Variants in JPH4 observed in about 807,000 individuals in gnomAD.
The protein encoded by JPH4 is junctophilin 4.
JPH4 carries 18 observed loss-of-function variants against 57.6 expected under a neutral mutation model. The ratio of observed to expected loss-of-function variants is 0.31; its 90% CI spans 0.22 to 0.46. The LOEUF (loss-of-function observed/expected upper bound fraction) is 0.46. JPH4 is among the 20% of genes least tolerant of loss of function. JPH4 has a pLI of 1.00. For synonymous variants in JPH4, 425 were observed against 406.6 expected (o/e 1.05, Z -0.54); for missense variants, 727 against 911.1 (o/e 0.80, Z 2.60).
chr14:23,577,204 G>A lies in JPH4; in HGVS notation c.250C>T (p.Arg84Cys). 1.3e-6 allele frequency: 2 copies of A among 1,537,106 alleles called. No homozygotes were observed. The highest frequency in any genetic ancestry group is 1.7e-6 in the Non-Finnish European group (2 of 1,146,310). ...TTCAGCCCGCCCAGCCACTCGCCGC[G>A]GTACGTCCAGCGGCTCTTGCGCTCC... ...GVERKSRWTY[R>C]GEWLGGLKGR... is the part of the protein sequence containing the mutation. Residue 84 changes from arginine (R) to cysteine (C), a missense_variant, in exon 2 of 6, where the codon CGC becomes TGC. Transcript: ENST00000356300. This position sits in a 1 kb window ranked among gnomAD's most constrained non-coding sequence, Gnocchi z 8.4.
In JPH4 at chr14:23,576,693, G is replaced by T. The variant is rs545674547; in HGVS notation, c.380-237C>A. On this transcript the variant is annotated intron_variant, in intron 2 of 5. Coordinates refer to ENST00000356300, the MANE Select transcript of JPH4 (RefSeq NM_001146028.2). The surrounding 1 kb of genome is among the most constrained non-coding windows in gnomAD (Gnocchi z 8.0). ...AGCCCTACGTGGATTTTGGCAGTGC[G>T]GGTAAACAGGGGAAACGGGGAGGGC... Among the ~76,000 whole-genome samples, 374 of 152,262 alleles carry T rather than the reference G, an allele frequency of 2.5e-3. 2 individuals are homozygous for T. Among genetic ancestry groups the T allele is most frequent in the African/African-American group, 8.7e-3 (362 of 41,558 alleles).
chr14:23,571,263 AGAAGGGAC>A lies in JPH4; in HGVS notation c.1460_1467del (p.Gly487ValfsTer8). The A allele has an allele frequency of 1.2e-6, 2 of 1,606,424 alleles. No homozygotes were observed. The highest frequency in any genetic ancestry group is 3.4e-5 in the Admixed American group (2 of 59,276). On this transcript the variant is annotated frameshift_variant, in exon 5 of 6. Transcript: ENST00000356300. LOFTEE classifies it high-confidence loss of function. This position sits in a 1 kb window ranked among gnomAD's most constrained non-coding sequence, Gnocchi z 4.6. ...TCCTCAGGCCAAGCTTTGGGGCTGG[AGAAGGGAC>A]CCTGGTCCCCTCCAGGAGGCAGTGG...
Position 23,571,132 on chromosome 14 carries a change from T to C in JPH4, c.1599A>G (p.Gly533=). ...PGPRDGSPLL[G]GCSDSSGSLR... is the part of the protein sequence containing the mutation. The stretch of plus-strand genomic sequence containing the variant: ...GACTTCCTGAACTGTCGCTGCAGCC[T>C]CCGAGGAGTGGGGAACCGTCTCTGG... The change falls in exon 5 of 6, where the codon GGA becomes GGG. Residue 533 remains glycine, a synonymous_variant. Coordinates refer to ENST00000356300, the MANE Select transcript of JPH4 (RefSeq NM_001146028.2). This position sits in a 1 kb window ranked among gnomAD's most constrained non-coding sequence, Gnocchi z 4.6. 1.2e-6 allele frequency: 2 copies of C among 1,614,064 alleles called. No individual in the cohort carries two copies. Among genetic ancestry groups the C allele is most frequent in the Non-Finnish European group, 1.7e-6 (2 of 1,179,980 alleles).
Position 23,575,673 on chromosome 14 carries a change from C to G in JPH4, c.1151+12G>C, listed in dbSNP as rs533523271. The G allele has an allele frequency of 6.3e-7, 1 of 1,593,840 alleles. No homozygotes were observed. The highest frequency in any genetic ancestry group is 2.3e-5 in the East Asian group (1 of 43,494). The stretch of plus-strand genomic sequence containing the variant: ...TCTTAGCCCAGCTTTGGCCTCTGAA[C>G]TGGACGCCCACCTGGCAGCGGCGAT... On this transcript the variant is annotated intron_variant, in intron 3 of 5. Transcript: ENST00000356300. This position sits in a 1 kb window ranked among gnomAD's most constrained non-coding sequence, Gnocchi z 6.9.
Position 23,569,361 on chromosome 14 carries a change from A to G in JPH4, c.*273T>C. 1 of 431,964 alleles carries G rather than the reference A, an allele frequency of 2.3e-6. No individual in the cohort carries two copies. The highest frequency in any genetic ancestry group is 4.3e-6 in the Non-Finnish European group (1 of 234,454). The allele number at this position is 431,964 out of a possible 1,614,324, so 26.8% of individuals were successfully genotyped here. Reference sequence around the variant, plus strand: ...AGAAGACAGCAACTCTGAGAGAGAAAAGCCCTTCATATGTAAACAATCTAG... The same window carrying G: ...AGAAGACAGCAACTCTGAGAGAGAAGAGCCCTTCATATGTAAACAATCTAG... On this transcript the variant is annotated 3_prime_UTR_variant, in exon 6 of 6. Transcript: ENST00000356300. The surrounding 1 kb of genome is among the most constrained non-coding windows in gnomAD (Gnocchi z 4.8).
chr14:23,576,063 G>A lies in JPH4; in HGVS notation c.773C>T (p.Pro258Leu). The A allele has an allele frequency of 7.6e-7, 1 of 1,316,874 alleles. No individual in the cohort carries two copies. Among genetic ancestry groups the A allele is most frequent in the Middle Eastern group, 2.7e-4 (1 of 3,722 alleles). The allele number at this position is 1,316,874 out of a possible 1,614,324, so 81.6% of individuals were successfully genotyped here. ...CGGGGGCCCGCTGGCCTCCGAGCCG[G>A]GCGGTCCGGTGCTGCCCACCTCGCT... ...VSSEVGSTGP[P>L]GSEASGPPAA... Residue 258 changes from proline (P) to leucine (L), a missense_variant, in exon 3 of 6, where the codon CCC (proline) becomes CTC (leucine). Physicochemically the swap from Pro to Leu is moderately conservative, Grantham distance 98. This residue lies in a region of JPH4 where 131 missense variants were observed against 156.5 expected (regional missense o/e 0.84). Transcript: ENST00000356300. The surrounding 1 kb of genome is among the most constrained non-coding windows in gnomAD (Gnocchi z 8.0).
Position 23,569,774 on chromosome 14 carries a change from GC to G in JPH4, c.1804-58del. On this transcript the variant is annotated intron_variant, in intron 5 of 5. Transcript: ENST00000356300. This position sits in a 1 kb window ranked among gnomAD's most constrained non-coding sequence, Gnocchi z 4.8. ...CCCCGAGGACAGGGCCCACCTTCCT[GC>G]CCTGACTGAGGTGGCAGAGCTGAAG... 1.7e-6 allele frequency: 2 copies of G among 1,195,694 alleles called. No individual in the cohort carries two copies. Among genetic ancestry groups the G allele is most frequent in the Non-Finnish European group, 2.4e-6 (2 of 842,622 alleles). 74.1% of individuals were successfully genotyped at this position (1,195,694 alleles called of 1,614,324 possible).
chr14:23,571,247 C>A lies in JPH4; in HGVS notation c.1484G>T (p.Trp495Leu). Residue 495 changes from tryptophan (W) to leucine (L), a missense_variant, in exon 5 of 6, where the codon TGG (tryptophan) becomes TTG (leucine). This residue lies in a region of JPH4 where 293 missense variants were observed against 279.8 expected (regional missense o/e 1.05). Coordinates refer to ENST00000356300, the MANE Select transcript of JPH4 (RefSeq NM_001146028.2). This position sits in a 1 kb window ranked among gnomAD's most constrained non-coding sequence, Gnocchi z 4.6. ...DQGPFSSPKAWPEEWGGAGAQ... is the reference protein window; with the variant it reads ...DQGPFSSPKALPEEWGGAGAQ... The stretch of plus-strand genomic sequence containing the variant: ...GCCTGCCCCCCCCCACTCCTCAGGC[C>A]AAGCTTTGGGGCTGGAGAAGGGACC... 1 of 1,609,910 alleles carries A rather than the reference C, an allele frequency of 6.2e-7. No individual in the cohort carries two copies. Among genetic ancestry groups the A allele is most frequent in the Non-Finnish European group, 8.5e-7 (1 of 1,177,804 alleles).
Position 23,571,937 on chromosome 14 carries a change from C to T in JPH4, c.1152-17G>A. The T allele has an allele frequency of 3.7e-6, 6 of 1,607,724 alleles. No homozygotes were observed. Among genetic ancestry groups the T allele is most frequent in the Non-Finnish European group, 5.1e-6 (6 of 1,178,428 alleles). The stretch of plus-strand genomic sequence containing the variant: ...TCTGCTGCCCTGTCGGGTCCAGAGA[C>T]AGGGATTTAGCAGAACTTCCCCCAC... On this transcript the variant is annotated splice_polypyrimidine_tract_variant and intron_variant, in intron 3 of 5. Transcript: ENST00000356300. This position sits in a 1 kb window ranked among gnomAD's most constrained non-coding sequence, Gnocchi z 4.6.
In JPH4 at chr14:23,571,367, T is replaced by C. The variant is rs1246119741; in HGVS notation, c.1364A>G (p.Glu455Gly). The C allele has an allele frequency of 3.1e-6, 5 of 1,600,932 alleles. No homozygotes were observed. Among genetic ancestry groups the C allele is most frequent in the Admixed American group, 3.4e-5 (2 of 59,678 alleles). Residue 455 changes from glutamate (E) to glycine (G), a missense_variant, in exon 5 of 6, where the codon GAG becomes GGG. Around this residue, in one of 7 missense-constraint regions of JPH4, gnomAD observed 293 missense variants for 279.8 expected, o/e 1.05. Coordinates refer to ENST00000356300, the MANE Select transcript of JPH4 (RefSeq NM_001146028.2). This position sits in a 1 kb window ranked among gnomAD's most constrained non-coding sequence, Gnocchi z 4.6. ...ACTGCTGGGCAGTTCAGGGGATCCC[T>C]CTGAGGGGGTCAGTCCGTTCTCATA... ...GVYENGLTPSEGSPELPSSPA... is the reference protein window; with the variant it reads ...GVYENGLTPSGGSPELPSSPA...
chr14:23,569,846 A>G lies in JPH4; in HGVS notation c.1804-129T>C, dbSNP rs1359893007. ...ACAGCCTGGAGCAGGGGGATCGCCA[A>G]CATTTGTTTTGGATTGCAAAACCCC... On this transcript the variant is annotated intron_variant, in intron 5 of 5. Transcript: ENST00000356300. The surrounding 1 kb of genome is among the most constrained non-coding windows in gnomAD (Gnocchi z 4.8). The G allele has an allele frequency of 1.6e-6, 1 of 628,114 alleles. No homozygotes were observed. 38.9% of individuals were successfully genotyped at this position (628,114 alleles called of 1,614,324 possible).
At position 23,577,093 on chromosome 14, in the gene JPH4, C is replaced by A; in HGVS notation, c.361G>T (p.Glu121Ter). ...KDGFQDGYGT[E>*]TYSDGGTYQG... Reference sequence around the variant, plus strand: ...CCCGCACCTCCGTCGGAGTAGGTCTCAGTGCCGTAGCCGTCCTGGAAACCG... The same window carrying A: ...CCCGCACCTCCGTCGGAGTAGGTCTAAGTGCCGTAGCCGTCCTGGAAACCG... The change falls in exon 2 of 6, where the codon GAG (glutamate) becomes TAG (stop). Residue 121 changes from glutamate (E) to a stop codon, truncating the protein, a stop_gained. Transcript: ENST00000356300. LOFTEE classifies it high-confidence loss of function. The surrounding 1 kb of genome is among the most constrained non-coding windows in gnomAD (Gnocchi z 8.4). 6.4e-7 allele frequency: 1 copy of A among 1,562,202 alleles called. No homozygotes were observed. The highest frequency in any genetic ancestry group is 2.3e-5 in the East Asian group (1 of 42,902).
chr14:23,573,595 G>A (rs1457828949), intron 3 of JPH4, among the ~76,000 whole-genome samples: 2 of 152,208 alleles, frequency 1.3e-5, no homozygotes, highest in Non-Finnish European at 2.9e-5. Flanking sequence ...TCAGGCATCA[G>A]ACTCAGGCCA....
Position 23,577,238 on chromosome 14 carries a change from C to T in JPH4, c.216G>A (p.Gly72=). ...AGCGGCTCTTGCGCTCCACGCCCAG[C>T]CCTTCGCGCTTGCCCTGCTGCCAGT... ...QGHWQQGKRE[G]LGVERKSRWT... The change falls in exon 2 of 6, where the codon GGG becomes GGA. Residue 72 remains glycine (G), a synonymous_variant. Coordinates refer to ENST00000356300, the MANE Select transcript of JPH4 (RefSeq NM_001146028.2). This position sits in a 1 kb window ranked among gnomAD's most constrained non-coding sequence, Gnocchi z 8.4. 6.5e-7 allele frequency: 1 copy of T among 1,536,778 alleles called. No individual in the cohort carries two copies. Among genetic ancestry groups the T allele is most frequent in the East Asian group, 2.5e-5 (1 of 40,732 alleles).
At position 23,570,946 on chromosome 14, in the gene JPH4, G is replaced by T; in HGVS notation, c.1785C>A (p.Thr595=). ...LTEELGEPAA[T]ERPAQPGAAN... is the part of the protein sequence containing the mutation. ...ATCTCACCGGCTGGGCAGGCCTCTC[G>T]GTTGCAGCGGGCTCCCCGAGCTCTT... Residue 595 remains threonine (T), a synonymous_variant, in exon 5 of 6, where the codon ACC becomes ACA. Transcript: ENST00000356300. 1 of 1,515,932 alleles carries T rather than the reference G, an allele frequency of 6.6e-7. No individual in the cohort carries two copies. Among genetic ancestry groups the T allele is most frequent in the East Asian group, 2.3e-5 (1 of 43,816 alleles). The allele number at this position is 1,515,932 out of a possible 1,614,324, so 93.9% of individuals were successfully genotyped here.
Position 23,569,688 on chromosome 14 carries a change from G to C in JPH4, c.1833C>G (p.Ala611=), listed in dbSNP as rs1036956580. The C allele has an allele frequency of 8.8e-5, 137 of 1,551,854 alleles. No individual in the cohort carries two copies. Among genetic ancestry groups the C allele is most frequent in the Middle Eastern group, 5.4e-4 (3 of 5,536 alleles). ...PGAANPLVVG[A]VALLDLSLAF... ...CCAGGCTGAGGTCCAGGAGGGCCAC[G>C]GCTCCCACCACCAGGGGGTTGGCAG... Residue 611 remains alanine, a synonymous_variant, in exon 6 of 6, where the codon GCC becomes GCG. Transcript: ENST00000356300. This position sits in a 1 kb window ranked among gnomAD's most constrained non-coding sequence, Gnocchi z 4.8.
chr14:23,572,312 C>T (rs1178478218), intron 3 of JPH4, among the ~76,000 whole-genome samples: 1 of 151,936 alleles, frequency 6.6e-6, no homozygotes, highest in Non-Finnish European at 1.5e-5. Context: ...TGCAGTCCTG[C>T]TTGGTGCTTA....
At chr14:23,570,767 G>A (rs377075352) in intron 5 of JPH4, among the ~76,000 whole-genome samples, 161 bp downstream of exon 5, 1 of 152,138 alleles carries the variant, frequency 6.6e-6, no homozygotes, top group South Asian at 2.1e-4. Context: ...CTTCCAGCTC[G>A]AACGCCCTCT....
chr14:23,576,328 G>A lies in JPH4; in HGVS notation c.508C>T (p.Pro170Ser). 7.7e-7 allele frequency: 1 copy of A among 1,295,832 alleles called. No individual in the cohort carries two copies. 80.3% of individuals were successfully genotyped at this position (1,295,832 alleles called of 1,614,324 possible). A position where few individuals can be genotyped will look rare whatever the true frequency, so the allele number is the denominator to read the frequency against. Residue 170 changes from proline to serine, a missense_variant, in exon 3 of 6, where the codon CCC (proline) becomes TCC (serine). By Grantham distance (74) the Pro-to-Ser change is moderately conservative. Around this residue, in one of 7 missense-constraint regions of JPH4, gnomAD observed 131 missense variants for 156.5 expected, o/e 0.84. Coordinates refer to ENST00000356300, the MANE Select transcript of JPH4 (RefSeq NM_001146028.2). This position sits in a 1 kb window ranked among gnomAD's most constrained non-coding sequence, Gnocchi z 8.0. ...RTSLDSGHSD[P>S]PTPPPPLPLP... ...GGCAGGGGCGGGGGTGGCGTCGGGG[G>A]GTCGCTGTGGCCGGAATCCAGGGAG...
Sources: allele counts gnomAD v4.1 joint callset (sites outside exome capture counted in the v4.1 genomes callset), GRCh38; gene constraint gnomAD v4.1.1; regional missense constraint gnomAD v4.1.1; non-coding constraint Gnocchi (gnomAD v3.1); transcripts MANE v1.5; gene names NCBI Gene and HGNC (gene_info 2026-07-23, HGNC 2026-07-21).